Variants in AHI1 observed in about 807,000 individuals in gnomAD.
AHI1 encodes the protein Abelson helper integration site 1, also known as jouberin.
AHI1 carries 123 observed loss-of-function variants against 149.3 expected under a neutral mutation model. The ratio of observed to expected loss-of-function variants is 0.82; its 90% CI spans 0.71 to 0.96. The LOEUF (loss-of-function observed/expected upper bound fraction) is 0.96, where lower values mean the gene tolerates loss of function less well. Ranked by LOEUF, AHI1 falls within the 40% of genes least tolerant of loss-of-function variation. The probability of loss-of-function intolerance (pLI) is 0.00; values close to 1 mark genes in which losing one functional copy is unlikely to be tolerated. For synonymous variants in AHI1, 475 were observed against 459.8 expected (o/e 1.03, Z -0.42); for missense variants, 1,439 against 1,422.7 (o/e 1.01, Z -0.18).
chr6:135,471,814 C>T lies in AHI1; in HGVS notation c.136-4180G>A, dbSNP rs535570781. On this transcript the variant is annotated intron_variant, in intron 5 of 28. Coordinates refer to ENST00000265602, the MANE Select transcript of AHI1 (RefSeq NM_001134831.2). ...GATCATGAGGTCAGGAGATCGAGACCATCCTGGCTAACAAGGTGAAACCCC... is the reference window on the plus strand; with the variant it reads ...GATCATGAGGTCAGGAGATCGAGACTATCCTGGCTAACAAGGTGAAACCCC... Among the ~76,000 whole-genome samples the T allele has an allele frequency of 2.6e-4, 40 of 151,482 alleles. No homozygotes were observed. In the South Asian group the frequency reaches 5.2e-3, roughly 20 times the overall value.
At chr6:135,412,105 C>T (rs568032046) in intron 20 of AHI1, among the ~76,000 whole-genome samples, 4 of 151,864 alleles carry the variant, frequency 2.6e-5, no homozygotes, top group Non-Finnish European at 5.9e-5. Flanking sequence ...ATACTGAATA[C>T]AGTTGGTCCA....
chr6:135,464,649 C>A (rs779073197), intron 7 of AHI1, among the ~76,000 whole-genome samples: 8 of 152,188 alleles, frequency 5.3e-5, no homozygotes, highest in Non-Finnish European at 1.2e-4. Flanking sequence ...AAGCAAGTGG[C>A]CATGTTGTGT....
intron 17 of AHI1, among the ~76,000 whole-genome samples, chr6:135,430,985 A>ATCACTTTTT (rs1185650575): frequency 2.6e-5 from 4 of 152,014 alleles, no homozygotes; most frequent in Admixed American, 2.6e-4. Flanking sequence ...GGGTATAAAA[A>ATCACTTTTT]AGTGAAATTA....
intron 26 of AHI1, among the ~76,000 whole-genome samples, chr6:135,303,683 A>C (rs951214792): frequency 5.3e-5 from 8 of 152,228 alleles, no homozygotes; most frequent in Non-Finnish European, 1.0e-4. Flanking sequence ...GGTAGTCTGA[A>C]GGTTATACTA....
intron 16 of AHI1, 40 bp from the exon 17 acceptor site, chr6:135,431,354 A>C (rs1784633666): frequency 7.8e-7 from 1 of 1,274,950 alleles, no homozygotes. Flanking sequence ...TGAATGTCAC[A>C]CAGAGTTAGA....
chr6:135,446,018 T>G (rs1787150068), intron 13 of AHI1, among the ~76,000 whole-genome samples: 1 of 151,490 alleles, frequency 6.6e-6, no homozygotes. Flanking sequence ...ATTGCACCAC[T>G]GCACTCCAGC....
At chr6:135,442,864 A>C in intron 13 of AHI1, 150 bp from the exon 14 acceptor site, 3 of 779,490 alleles carry the variant, frequency 3.8e-6, no homozygotes, top group Non-Finnish European at 5.7e-6. Context: ...AACCATAGTA[A>C]ATTGCTTTGT....
At chr6:135,290,913 A>AACACACACACACACACACACACAC (rs574033007) in intron 27 of AHI1, among the ~76,000 whole-genome samples, 8 of 146,262 alleles carry the variant, frequency 5.5e-5, no homozygotes, top group African/African-American at 2.0e-4. Context: ...AACACACACA[A>AACACACACACACACACACACACAC]ACACACACAC....
At chr6:135,483,133 C>T (rs568219413) in intron 5 of AHI1, among the ~76,000 whole-genome samples, 2 of 151,300 alleles carry the variant, frequency 1.3e-5, no homozygotes, top group East Asian at 1.9e-4. Context: ...CTCCTGACTT[C>T]GTGATCAGCC....
intron 23 of AHI1, among the ~76,000 whole-genome samples, chr6:135,364,267 G>C (rs1408193106): frequency 6.6e-6 from 1 of 151,028 alleles, no homozygotes; most frequent in East Asian, 2.0e-4. Flanking sequence ...CGGCAGGGCA[G>C]AGGTGCTCCC....
Position 135,465,898 on chromosome 6 carries a change from T to C in AHI1, c.665A>G (p.Asp222Gly). 1 of 1,586,066 alleles carries C rather than the reference T, an allele frequency of 6.3e-7. No homozygotes were observed. The highest frequency in any genetic ancestry group is 8.6e-7 in the Non-Finnish European group (1 of 1,168,104). ...TAGTTTGTCATCATGGAATAAAGTA[T>C]CTGAGGGAAAGTAAGTCAACTGTTC... ...LKEQLTYFPS[D>G]TLFHDDKLSS... The change falls in exon 7 of 29, where the codon GAT (aspartate) becomes GGT (glycine). Residue 222 changes from aspartate (D) to glycine (G), a missense_variant. Coordinates refer to ENST00000265602, the MANE Select transcript of AHI1 (RefSeq NM_001134831.2).
chr6:135,445,418 T>C (rs932409050), intron 13 of AHI1, among the ~76,000 whole-genome samples: 1 of 152,208 alleles, frequency 6.6e-6, no homozygotes, highest in Non-Finnish European at 1.5e-5. Flanking sequence ...AAAGCTTAAA[T>C]TCTGCTCAGC....
Position 135,448,475 on chromosome 6 carries a change from G to A in AHI1, c.1441C>T (p.Leu481Phe), listed in dbSNP as rs1787585881. 3 of 1,456,186 alleles carry A rather than the reference G, an allele frequency of 2.1e-6. No homozygotes were observed. Among genetic ancestry groups the A allele is most frequent in the Non-Finnish European group, 2.8e-6 (3 of 1,084,218 alleles). The allele number at this position is 1,456,186 out of a possible 1,614,324, so 90.2% of individuals were successfully genotyped here. The change falls in exon 12 of 29, where the codon CTT becomes TTT. Residue 481 changes from leucine (L) to phenylalanine (F), a missense_variant and splice_region_variant. By Grantham distance (22) the Leu-to-Phe change is conservative (BLOSUM62 0). Coordinates refer to ENST00000265602, the MANE Select transcript of AHI1 (RefSeq NM_001134831.2). ...TTTGCATTTCCATTGGCTCCCAGAA[G>A]CTTAAAATAAGAATTCATATAAAAT... is the stretch of plus-strand genomic sequence containing the variant. ...FRKIAWAFLKLLGANGNANIN... is the reference protein window; with the variant it reads ...FRKIAWAFLKFLGANGNANIN...
chr6:135,341,641 AC>A (rs1174624213), intron 24 of AHI1, among the ~76,000 whole-genome samples: 1 of 151,968 alleles, frequency 6.6e-6, no homozygotes, highest in Non-Finnish European at 1.5e-5. Flanking sequence ...ATGTTCTCCA[AC>A]CATGATAAAC....
intron 5 of AHI1, among the ~76,000 whole-genome samples, chr6:135,471,878 G>A (rs1791761848): frequency 6.6e-6 from 1 of 151,590 alleles, no homozygotes; most frequent in South Asian, 2.1e-4. Flanking sequence ...CGGGCGCGGT[G>A]GCGGGCACCT....
intron 24 of AHI1, among the ~76,000 whole-genome samples, chr6:135,344,926 T>TCACACACACACACA (rs59084001): frequency 0.017 from 2,471 of 145,742 alleles, 29 homozygotes; most frequent in South Asian, 0.032. Flanking sequence ...AAGCTCTGAT[T>TCACACACACACACA]CACACACACA....
Position 135,300,526 on chromosome 6 carries a change from GA to G in AHI1, c.3458del (p.Phe1153SerfsTer3). On this transcript the variant is annotated frameshift_variant, in exon 27 of 29. Transcript: ENST00000265602. LOFTEE classifies it high-confidence loss of function. ...QSINKNKSQD[F>X]RLGSESMTHS... Reference sequence around the variant, plus strand: ...GTGTCATAGATTCTGAGCCTAGTCTGAAGTCCTGGGACTTGTTCTTATTGAT... The same window carrying G: ...GTGTCATAGATTCTGAGCCTAGTCTGAGTCCTGGGACTTGTTCTTATTGAT... 1 of 1,608,828 alleles carries G rather than the reference GA, an allele frequency of 6.2e-7. No individual in the cohort carries two copies. Among genetic ancestry groups the G allele is most frequent in the South Asian group, 1.1e-5 (1 of 89,648 alleles).
chr6:135,382,114 TTGTC>T (rs573056767), intron 23 of AHI1, among the ~76,000 whole-genome samples: 25 of 152,234 alleles, frequency 1.6e-4, no homozygotes, highest in Middle Eastern at 6.8e-3. Context: ...AAAAAGTAAA[TTGTC>T]TGAAATAAGA....
At chr6:135,494,949 G>C (rs1795768766) in intron 3 of AHI1, among the ~76,000 whole-genome samples, 1 of 152,172 alleles carries the variant, frequency 6.6e-6, no homozygotes, top group African/African-American at 2.4e-5. Context: ...AGTCACGTGT[G>C]TCAAAGCTGT....
Sources: allele counts gnomAD v4.1 joint callset (sites outside exome capture counted in the v4.1 genomes callset), GRCh38; gene constraint gnomAD v4.1.1; transcripts MANE v1.5; gene names NCBI Gene and HGNC (gene_info 2026-07-23, HGNC 2026-07-21).